Variants in CCDC122 observed in about 807,000 individuals in gnomAD.
CCDC122 encodes the protein coiled-coil domain-containing protein 122.
Under a neutral mutation model 37.0 loss-of-function variants are expected in CCDC122, and 38 were observed. The ratio of observed to expected loss-of-function variants is 1.03; its 90% CI spans 0.79 to 1.35. The LOEUF is 1.35. Among genes scored for constraint, CCDC122 ranks in the 40% most tolerant of loss-of-function variants. The pLI is 0.00. For synonymous variants in CCDC122, 83 were observed against 95.6 expected (o/e 0.87, Z 0.77); for missense variants, 305 against 310.0 (o/e 0.98, Z 0.12).
intron 3 of CCDC122, 48 bp from the exon 4 acceptor site, chr13:43,868,851 G>T: frequency 1.3e-6 from 1 of 794,888 alleles, no homozygotes; most frequent in Non-Finnish European, 1.8e-6. Context: ...TTAAAATACA[G>T]CCATTTTAAG....
intron 4 of CCDC122, among the ~76,000 whole-genome samples, chr13:43,861,767 T>C (rs1452375858): frequency 6.6e-6 from 1 of 152,204 alleles, no homozygotes; most frequent in African/African-American, 2.4e-5. Flanking sequence ...TTTATATGTA[T>C]GTTTACCAGA....
At chr13:43,838,317 A>T (rs2153869464) in intron 6 of CCDC122, among the ~76,000 whole-genome samples, 1 of 152,318 alleles carries the variant, frequency 6.6e-6, no homozygotes, top group Non-Finnish European at 1.5e-5. Context: ...ACTGAAACAC[A>T]GATCATTTGG....
At chr13:43,834,787 A>G (rs1447849415), downstream of CCDC122, among the ~76,000 whole-genome samples, 1 of 151,798 alleles carries the variant, frequency 6.6e-6, no homozygotes, top group Non-Finnish European at 1.5e-5. Context: ...TTAGAATGGC[A>G]ATCATTAAAA....
intron 4 of CCDC122, among the ~76,000 whole-genome samples, chr13:43,863,187 A>G (rs1954167650): frequency 6.6e-6 from 1 of 151,990 alleles, no homozygotes; most frequent in Non-Finnish European, 1.5e-5. Context: ...CTCCCTTTCC[A>G]TCTCTCCATT....
chr13:43,844,230 T>C (rs570390812), intron 6 of CCDC122, among the ~76,000 whole-genome samples: 4 of 152,120 alleles, frequency 2.6e-5, no homozygotes, highest in Admixed American at 2.6e-4. Flanking sequence ...ATACGTTGTG[T>C]TTTCATTATC....
At chr13:43,848,794 T>C (rs1953628804) in intron 6 of CCDC122, 3 of 814,554 alleles carry the variant, frequency 3.7e-6, no homozygotes, top group South Asian at 5.6e-5. Flanking sequence ...AAACACAATA[T>C]TTAAAATAAT....
intron 3 of CCDC122, among the ~76,000 whole-genome samples, chr13:43,826,287 A>G (rs1953040264): frequency 6.6e-6 from 1 of 152,176 alleles, no homozygotes; most frequent in Admixed American, 6.5e-5. Context: ...AATTTCAGGG[A>G]CACTGTATTT....
At chr13:43,844,256 T>C (rs948173253) in intron 6 of CCDC122, among the ~76,000 whole-genome samples, 1 of 152,022 alleles carries the variant, frequency 6.6e-6, no homozygotes, top group African/African-American at 2.4e-5. Flanking sequence ...ATTTCAAATA[T>C]ATTCTAATTT....
At chr13:43,863,944 A>G (rs1954194750) in intron 4 of CCDC122, among the ~76,000 whole-genome samples, 1 of 152,122 alleles carries the variant, frequency 6.6e-6, no homozygotes, top group South Asian at 2.1e-4. Context: ...AAGTTTTTCT[A>G]TGTTTTCTTC....
At chr13:43,856,773 G>T (rs1042780996) in intron 6 of CCDC122, among the ~76,000 whole-genome samples, 1 of 152,124 alleles carries the variant, frequency 6.6e-6, no homozygotes, top group African/African-American at 2.4e-5. Flanking sequence ...AATCAGAATA[G>T]TGGCTATTTG....
At chr13:43,846,250 T>C (rs886210184) in intron 6 of CCDC122, among the ~76,000 whole-genome samples, 1 of 152,128 alleles carries the variant, frequency 6.6e-6, no homozygotes. Context: ...AATTTTTGTA[T>C]TTTTAGTAAG....
At chr13:43,874,736 C>T (rs1954554422) in intron 2 of CCDC122, 106 bp downstream of exon 2, 1 of 152,162 alleles carries the variant, frequency 6.6e-6, no homozygotes, top group African/African-American at 2.4e-5. Context: ...ATTAAGGAAA[C>T]AGGCTTTAGA....
chr13:43,859,637 T>C (rs1954040585), intron 5 of CCDC122, 35 bp downstream of exon 5: 1 of 1,435,230 alleles, frequency 7.0e-7, no homozygotes, highest in South Asian at 1.6e-5. Flanking sequence ...AAAGGAGTAA[T>C]AGAAAAAATA....
chr13:43,863,224 T>C (rs1954168833), intron 4 of CCDC122, among the ~76,000 whole-genome samples: 1 of 152,196 alleles, frequency 6.6e-6, no homozygotes, highest in African/African-American at 2.4e-5. Flanking sequence ...TCTGCCTTCC[T>C]TCTCTAAAGA....
intron 1 of CCDC122, among the ~76,000 whole-genome samples, chr13:43,876,119 T>C (rs1233945124): frequency 1.3e-5 from 2 of 152,168 alleles, no homozygotes; most frequent in African/African-American, 2.4e-5. Flanking sequence ...ATGTGCAAGG[T>C]GCTGTCAACA....
intron 6 of CCDC122, chr13:43,849,153 T>C (rs1173852925): frequency 7.4e-6 from 5 of 674,816 alleles, no homozygotes; most frequent in Non-Finnish European, 9.1e-6. Context: ...TTAAATGAAT[T>C]AGAAGTAATA....
At position 43,869,361 on chromosome 13, in the gene CCDC122, C is replaced by G. The variant is rs765839782; in HGVS notation, c.16G>C (p.Glu6Gln). Reference protein sequence around the residue: MSDNKERKSQGFPKED... With the variant: MSDNKQRKSQGFPKED... The stretch of plus-strand genomic sequence containing the variant: ...TTAGGAAATCCTTGACTCTTCCTTT[C>G]TTTGTTGTCTGACATTTTCTGTGTC... Residue 6 changes from glutamate to glutamine, a missense_variant, in exon 3 of 7, where the codon GAA becomes CAA. Glu to Gln is a conservative substitution (Grantham distance 29). Coordinates refer to ENST00000444614, the MANE Select transcript of CCDC122 (RefSeq NM_144974.5). 31 of 1,607,654 alleles carry G rather than the reference C, an allele frequency of 1.9e-5. No homozygotes were observed. The highest frequency in any genetic ancestry group is 2.6e-5 in the Non-Finnish European group (31 of 1,176,096).
intron 6 of CCDC122, among the ~76,000 whole-genome samples, chr13:43,848,357 T>C (rs972083860): frequency 6.6e-6 from 1 of 152,230 alleles, no homozygotes; most frequent in African/African-American, 2.4e-5. Context: ...CATCATTTGC[T>C]AAAAACTTCT....
intron 4 of CCDC122, among the ~76,000 whole-genome samples, chr13:43,862,641 A>G (rs1007478780): frequency 2.0e-5 from 3 of 152,172 alleles, no homozygotes; most frequent in Non-Finnish European, 4.4e-5. Flanking sequence ...TAAAACAGTA[A>G]CTGACACAAA....
Sources: gnomAD v4.1 joint callset for allele counts (sites outside exome capture counted in the v4.1 genomes callset) on GRCh38, gnomAD v4.1.1 for gene constraint, MANE v1.5 for transcripts, NCBI Gene and HGNC (gene_info 2026-07-23, HGNC 2026-07-21) for gene names.